SUGCT: variants seen among roughly 807,000 people sequenced by gnomAD.
SUGCT encodes succinyl-CoA:glutarate-CoA transferase.
In SUGCT, 41 loss-of-function variants were observed where a neutral mutation model predicts 55.0. The ratio of observed to expected loss-of-function variants is 0.74; its 90% CI spans 0.58 to 0.97. SUGCT has a LOEUF of 0.97. Among genes scored for constraint, SUGCT ranks in the 50% least tolerant of loss-of-function variants. SUGCT has a pLI of 0.00. For missense variants in SUGCT, 568 were observed against 547.8 expected (o/e 1.04, Z -0.37); for synonymous variants, 187 against 200.4 (o/e 0.93, Z 0.56).
rs1172977405 is a variant in SUGCT, at chr7:40,189,598, C to T, written c.363+4C>T. On this transcript the variant is annotated splice_donor_region_variant and intron_variant, in intron 5 of 13. Transcript: ENST00000335693. ...AGGGGTGAAAATCATCAAAGAGGTA[C>T]AGTATGATGTATAGAAAGCATCCTA... 1.4e-6 allele frequency: 2 copies of T among 1,407,412 alleles called. No homozygotes were observed. The highest frequency in any genetic ancestry group is 1.4e-5 in the African/African-American group (1 of 69,114). The allele number at this position is 1,407,412 out of a possible 1,614,324, so 87.2% of individuals were successfully genotyped here.
intron 9 of SUGCT, among the ~76,000 whole-genome samples, chr7:40,445,638 C>G (rs1047691728): frequency 1.3e-5 from 2 of 152,168 alleles, no homozygotes; most frequent in African/African-American, 2.4e-5. Context: ...TCCTCCCTAA[C>G]TCATTTTATG....
At chr7:40,267,818 C>A (rs1383911437) in intron 7 of SUGCT, among the ~76,000 whole-genome samples, 2 of 152,182 alleles carry the variant, frequency 1.3e-5, no homozygotes, top group Admixed American at 6.5e-5. Flanking sequence ...ATTCTGACAA[C>A]TTTTCAATGA....
chr7:40,545,263 G>T (rs1220171663), intron 12 of SUGCT, among the ~76,000 whole-genome samples: 4 of 152,142 alleles, frequency 2.6e-5, no homozygotes, highest in African/African-American at 7.2e-5. Flanking sequence ...TGACATATTC[G>T]GTATTTCTCA....
chr7:40,229,399 G>C (rs1788585497), intron 6 of SUGCT, among the ~76,000 whole-genome samples: 1 of 151,742 alleles, frequency 6.6e-6, no homozygotes, highest in Non-Finnish European at 1.5e-5. Flanking sequence ...TGCGCCTATA[G>C]TCCCAGCTAC....
chr7:40,484,442 A>C (rs1791223485), intron 11 of SUGCT, among the ~76,000 whole-genome samples: 1 of 152,178 alleles, frequency 6.6e-6, no homozygotes, highest in Non-Finnish European at 1.5e-5. Context: ...AGTGCTCCCA[A>C]GTGGCCTTGG....
At chr7:40,502,708 T>C (rs1418031495) in intron 12 of SUGCT, among the ~76,000 whole-genome samples, 3 of 152,150 alleles carry the variant, frequency 2.0e-5, no homozygotes, top group Admixed American at 6.5e-5. Context: ...AGTAGCCATA[T>C]GTGGCTATTG....
chr7:40,603,871 G>T (rs1798407023), intron 12 of SUGCT, among the ~76,000 whole-genome samples: 1 of 152,164 alleles, frequency 6.6e-6, no homozygotes, highest in Admixed American at 6.5e-5. Context: ...ATGCAAATCT[G>T]CTCATGTCAT....
At chr7:40,864,201 G>T (rs138640616), downstream of SUGCT, among the ~76,000 whole-genome samples, 30 of 152,228 alleles carry the variant, frequency 2.0e-4, no homozygotes, top group African/African-American at 6.7e-4. Context: ...CTGTTGTCCA[G>T]ACTGGAGTGC....
intron 13 of SUGCT, among the ~76,000 whole-genome samples, chr7:40,827,285 G>A (rs191446555): frequency 6.4e-4 from 97 of 152,292 alleles, no homozygotes; most frequent in African/African-American, 2.2e-3. Flanking sequence ...TGCTGGGGAA[G>A]GTGCTGCCCC....
intron 11 of SUGCT, among the ~76,000 whole-genome samples, chr7:40,469,068 T>G (rs1790275564): frequency 6.6e-6 from 1 of 152,224 alleles, no homozygotes; most frequent in African/African-American, 2.4e-5. Flanking sequence ...CATATCTACA[T>G]GTTTTTAATA....
intron 1 of SUGCT, among the ~76,000 whole-genome samples, chr7:40,168,152 G>T (rs578014166): frequency 6.6e-6 from 1 of 152,206 alleles, no homozygotes; most frequent in Non-Finnish European, 1.5e-5. Context: ...TTAAAGGTGG[G>T]TGTGGTCACC....
chr7:40,696,384 A>G (rs1020561787), intron 12 of SUGCT, among the ~76,000 whole-genome samples: 1 of 152,110 alleles, frequency 6.6e-6, no homozygotes, highest in East Asian at 1.9e-4. Context: ...CTGCAACTCC[A>G]GTCATCACTA....
At chr7:40,953,586 T>G in the SUGCT span, among the ~76,000 whole-genome samples, 1 of 152,258 alleles carries the variant, frequency 6.6e-6, no homozygotes, top group East Asian at 1.9e-4. Flanking sequence ...TGTGGTTTTA[T>G]CTACCTTTGG....
At chr7:40,318,690 T>A (rs1029126721) in intron 9 of SUGCT, among the ~76,000 whole-genome samples, 12 of 152,134 alleles carry the variant, frequency 7.9e-5, no homozygotes, top group Non-Finnish European at 1.6e-4. Flanking sequence ...ACCTGCCTCG[T>A]CCTCCCAAAG....
chr7:40,714,770 C>A (rs1162167904), intron 12 of SUGCT, among the ~76,000 whole-genome samples: 1 of 152,122 alleles, frequency 6.6e-6, no homozygotes. Context: ...AAGCTAGAAA[C>A]TTCTTGCATG....
At chr7:40,985,783 T>C in the SUGCT span, among the ~76,000 whole-genome samples, 5 of 152,316 alleles carry the variant, frequency 3.3e-5, no homozygotes, top group East Asian at 9.7e-4. Flanking sequence ...ATCTGTATCT[T>C]AGAAAGATCA....
intron 12 of SUGCT, among the ~76,000 whole-genome samples, chr7:40,695,805 G>T (rs554115163): frequency 6.6e-6 from 1 of 152,116 alleles, no homozygotes; most frequent in Non-Finnish European, 1.5e-5. Context: ...CTACTCACTA[G>T]ATGCCGGTAG....
chr7:40,616,700 A>G (rs1799019374), intron 12 of SUGCT, among the ~76,000 whole-genome samples: 1 of 152,204 alleles, frequency 6.6e-6, no homozygotes, highest in South Asian at 2.1e-4. Flanking sequence ...AGGTGGCCAT[A>G]AGGACTATTG....
chr7:40,991,578 G>A, the SUGCT span, among the ~76,000 whole-genome samples: 1 of 152,152 alleles, frequency 6.6e-6, no homozygotes, highest in Non-Finnish European at 1.5e-5. Flanking sequence ...ATAAAGTGAA[G>A]TATGCCTCTA....
Sources: gnomAD v4.1 joint callset for allele counts (sites outside exome capture counted in the v4.1 genomes callset) on GRCh38, gnomAD v4.1.1 for gene constraint, MANE v1.5 for transcripts, NCBI Gene and HGNC (gene_info 2026-07-23, HGNC 2026-07-21) for gene names.